SLC2A9: variants seen among roughly 807,000 people sequenced by gnomAD.
The protein encoded by SLC2A9 is solute carrier family 2, facilitated glucose transporter member 9.
SLC2A9 carries 39 observed loss-of-function variants against 50.6 expected under a neutral mutation model. The ratio of observed to expected loss-of-function variants is 0.77; its 90% confidence interval spans 0.60 to 1.01. SLC2A9 has a LOEUF of 1.01. SLC2A9 is among the 50% of genes least tolerant of loss of function. The pLI is 0.00. For missense variants in SLC2A9, 686 were observed against 677.6 expected, an observed-to-expected ratio of 1.01 and a Z score of -0.14; for synonymous variants, 324 against 276.9, an observed-to-expected ratio of 1.17 and a Z score of -1.69.
At chr4:10,021,174 C>G (rs1763463002) in intron 1 of SLC2A9, 106 bp downstream of exon 1, 2 of 1,223,786 alleles carry the variant, frequency 1.6e-6, no homozygotes, top group Non-Finnish European at 1.2e-6. Context: ...CCCAGATCCC[C>G]CAGCTACACG....
chr4:9,777,879 G>A (rs940569387), downstream of SLC2A9, among the ~76,000 whole-genome samples: 3 of 152,164 alleles, frequency 2.0e-5, no homozygotes, highest in African/African-American at 7.2e-5. Flanking sequence ...CTGGAGAACT[G>A]ATTGAGCTGG....
At chr4:9,892,686 T>C (rs954953166) in intron 8 of SLC2A9, among the ~76,000 whole-genome samples, 1 of 152,200 alleles carries the variant, frequency 6.6e-6, no homozygotes, top group Non-Finnish European at 1.5e-5. Flanking sequence ...AATAGACTCA[T>C]GAACAAAAGA....
At chr4:9,941,379 C>T (rs1220785329) in intron 6 of SLC2A9, among the ~76,000 whole-genome samples, 1 of 152,192 alleles carries the variant, frequency 6.6e-6, no homozygotes, top group Non-Finnish European at 1.5e-5. Context: ...AGTGTATACT[C>T]CTTCCTCCCT....
At chr4:9,897,757 G>A (rs753513227) in intron 8 of SLC2A9, among the ~76,000 whole-genome samples, 5 of 152,114 alleles carry the variant, frequency 3.3e-5, no homozygotes, top group Non-Finnish European at 7.4e-5. Flanking sequence ...AGGTGTGGTG[G>A]TGCATGCCTG....
intron 6 of SLC2A9, among the ~76,000 whole-genome samples, chr4:9,921,521 G>C (rs1408040801): frequency 2.6e-5 from 4 of 152,246 alleles, no homozygotes; most frequent in Middle Eastern, 3.2e-3. Context: ...ACAGCAGGCA[G>C]CATCCCTAAA....
At chr4:9,943,532 G>A (rs1748568827) in intron 5 of SLC2A9, among the ~76,000 whole-genome samples, 1 of 152,158 alleles carries the variant, frequency 6.6e-6, no homozygotes, top group South Asian at 2.1e-4. Context: ...GCGCATGGGT[G>A]TGGGGTTTCA....
chr4:9,808,999 G>C (rs1722497003), intron 3 of SLC2A9, among the ~76,000 whole-genome samples: 1 of 152,196 alleles, frequency 6.6e-6, no homozygotes, highest in African/African-American at 2.4e-5. Context: ...ATTTGTGTTT[G>C]AGTCAATTGG....
chr4:9,776,012 TCA>T (rs1717513506), downstream of SLC2A9, among the ~76,000 whole-genome samples: 2 of 151,822 alleles, frequency 1.3e-5, no homozygotes, highest in Admixed American at 6.6e-5. Flanking sequence ...TCACTTCCGC[TCA>T]CATTCTATTG....
intron 5 of SLC2A9, among the ~76,000 whole-genome samples, chr4:9,976,943 C>T (rs1363157638): frequency 4.6e-5 from 7 of 152,228 alleles, no homozygotes; most frequent in African/African-American, 1.4e-4. Flanking sequence ...TTCTATCTGG[C>T]TGATGTGCCA....
rs114170607 is a variant in SLC2A9, at chr4:9,803,309, T to C, written n.421-4068A>G. 9.9e-3 allele frequency among the ~76,000 whole-genome samples: 1,510 copies of C among 152,384 alleles called. 26 individuals are homozygous for C. Among genetic ancestry groups the C allele is most frequent in the African/African-American group, 0.034 (1,421 of 41,592 alleles). On this transcript the variant is annotated intron_variant and non_coding_transcript_variant, in intron 3 of 3. Coordinates refer to the SLC2A9 transcript ENST00000503280. ...GTGATGATGATGATTTTGATGGTGATGATATACGGCACTTTGTGCCTGTAT... is the reference window on the plus strand; with the variant it reads ...GTGATGATGATGATTTTGATGGTGACGATATACGGCACTTTGTGCCTGTAT...
chr4:9,800,256 G>A (rs891577197), intron 3 of SLC2A9, among the ~76,000 whole-genome samples: 23 of 152,112 alleles, frequency 1.5e-4, no homozygotes, highest in Non-Finnish European at 4.4e-5. Flanking sequence ...GACGTGGGTT[G>A]AATTTTTCCC....
intron 6 of SLC2A9, among the ~76,000 whole-genome samples, chr4:9,926,147 G>C (rs1289743153): frequency 6.6e-6 from 1 of 152,080 alleles, no homozygotes; most frequent in Non-Finnish European, 1.5e-5. Context: ...CCCTGAGCAA[G>C]AGCCACTTAA....
intron 3 of SLC2A9, among the ~76,000 whole-genome samples, chr4:9,787,196 A>G (rs1247285701): frequency 7.9e-5 from 12 of 152,230 alleles, no homozygotes; most frequent in Admixed American, 7.9e-4. Context: ...TACATGCTGA[A>G]TCTTCTTTTA....
At chr4:9,877,796 GC>G (rs1734540187) in intron 10 of SLC2A9, among the ~76,000 whole-genome samples, 1 of 152,138 alleles carries the variant, frequency 6.6e-6, no homozygotes, top group African/African-American at 2.4e-5. Context: ...TGATGCTCCT[GC>G]CATCTTCCTG....
chr4:10,026,544 A>G (rs1226435402), intron 1 of SLC2A9, among the ~76,000 whole-genome samples: 2 of 152,340 alleles, frequency 1.3e-5, no homozygotes, highest in East Asian at 1.9e-4. Context: ...CAGCTGCTCA[A>G]AGAAAAACTT....
intron 2 of SLC2A9, among the ~76,000 whole-genome samples, chr4:10,011,518 C>T (rs139004123): frequency 6.6e-5 from 10 of 152,288 alleles, no homozygotes; most frequent in African/African-American, 2.2e-4. Flanking sequence ...TAAAGGTCAA[C>T]GATTACAATG....
At chr4:10,027,520 G>T (rs989750370) in intron 1 of SLC2A9, among the ~76,000 whole-genome samples, 1 of 151,854 alleles carries the variant, frequency 6.6e-6, no homozygotes, top group Non-Finnish European at 1.5e-5. Flanking sequence ...GCCACATCTT[G>T]CCAGAACCAA....
intron 10 of SLC2A9, among the ~76,000 whole-genome samples, chr4:9,858,888 C>T (rs1731151499): frequency 6.6e-6 from 1 of 152,206 alleles, no homozygotes; most frequent in Non-Finnish European, 1.5e-5. Flanking sequence ...TAGAATAAAG[C>T]AGGCAGGAGA....
chr4:9,938,276 T>C (rs1747469957), intron 6 of SLC2A9, among the ~76,000 whole-genome samples: 2 of 148,632 alleles, frequency 1.3e-5, no homozygotes, highest in African/African-American at 5.0e-5. Context: ...TGCTATTTTT[T>C]TTTTTTTTTT....
Sources: allele counts gnomAD v4.1 joint callset (sites outside exome capture counted in the v4.1 genomes callset), GRCh38; gene constraint gnomAD v4.1.1; transcripts MANE v1.5; gene names NCBI Gene and HGNC (gene_info 2026-07-23, HGNC 2026-07-21).